Variants in CCDC73 observed in about 807,000 individuals in gnomAD.
CCDC73 encodes coiled-coil domain containing 73, also known as coiled-coil domain-containing protein 73.
In CCDC73, 95 loss-of-function variants were observed where a neutral mutation model predicts 116.5. The ratio of observed to expected loss-of-function variants is 0.82; its 90% confidence interval spans 0.69 to 0.97. The LOEUF (loss-of-function observed/expected upper bound fraction) is 0.97. Among genes scored for constraint, CCDC73 ranks in the 50% least tolerant of loss-of-function variants. The pLI, the probability that CCDC73 is intolerant of heterozygous loss-of-function variation, is 0.00. For synonymous variants in CCDC73, 398 were observed against 401.3 expected, an observed-to-expected ratio of 0.99 and a Z score of 0.10; for missense variants, 1,066 against 1,206.8, an observed-to-expected ratio of 0.88 and a Z score of 1.73.
At chr11:32,623,892 CAT>C (rs1000378556) in intron 14 of CCDC73, among the ~76,000 whole-genome samples, 6 of 151,972 alleles carry the variant, frequency 3.9e-5, no homozygotes, top group African/African-American at 1.5e-4. Flanking sequence ...AACTGATAAA[CAT>C]ATAAAATATG....
intron 2 of CCDC73, among the ~76,000 whole-genome samples, chr11:32,741,772 G>A (rs761591690): frequency 4.2e-4 from 64 of 151,864 alleles, no homozygotes; most frequent in Non-Finnish European, 8.1e-4. Flanking sequence ...AACCTGTCAT[G>A]TACATTAGGT....
chr11:32,775,600 A>C (rs1207981635), intron 1 of CCDC73, among the ~76,000 whole-genome samples: 1 of 152,164 alleles, frequency 6.6e-6, no homozygotes, highest in Non-Finnish European at 1.5e-5. Flanking sequence ...CAGATATAGC[A>C]TAATACATGA....
chr11:32,627,822 G>T lies in CCDC73; in HGVS notation c.1185+7874C>A, dbSNP rs552477893. Among the ~76,000 whole-genome samples, 30 of 152,258 alleles carry T rather than the reference G, an allele frequency of 2.0e-4. No individual in the cohort carries two copies. The South Asian group carries it at 5.6e-3, about 28-fold the overall frequency. ...TCATCACACACCGGGGCCTGTTGTG[G>T]GGTGAGGGGAGCGGGGAGGGATAGC... On this transcript the variant is annotated intron_variant, in intron 14 of 17. Transcript: ENST00000335185.
chr11:32,697,636 A>T (rs1849765874), intron 6 of CCDC73, among the ~76,000 whole-genome samples: 2 of 151,856 alleles, frequency 1.3e-5, no homozygotes, highest in Non-Finnish European at 2.9e-5. Flanking sequence ...GGCGCCTGCC[A>T]CCATGCGTGG....
the CCDC73 span, among the ~76,000 whole-genome samples, chr11:32,805,389 T>C: frequency 6.6e-6 from 1 of 152,182 alleles, no homozygotes; most frequent in South Asian, 2.1e-4. Flanking sequence ...ATTTCAATCA[T>C]AGTAAATCCC....
chr11:32,727,589 T>G (rs539576764), intron 2 of CCDC73, among the ~76,000 whole-genome samples: 5 of 152,354 alleles, frequency 3.3e-5, no homozygotes, highest in African/African-American at 1.2e-4. Flanking sequence ...TTTCTTTTTT[T>G]TGAGACGTTG....
At chr11:32,720,931 G>C (rs1849984383) in intron 2 of CCDC73, among the ~76,000 whole-genome samples, 1 of 152,140 alleles carries the variant, frequency 6.6e-6, no homozygotes. Context: ...TGAATGTACA[G>C]CTAAGACGTG....
chr11:32,681,695 T>C (rs1347977515), intron 7 of CCDC73: 1 of 151,970 alleles, frequency 6.6e-6, no homozygotes, highest in Admixed American at 6.6e-5. Flanking sequence ...GTTTCCTGTC[T>C]TGCCCATAGA....
Position 32,697,481 on chromosome 11 carries a change from C to CTTT in CCDC73, c.390+1767_390+1769dup, listed in dbSNP as rs771837421. Among the ~76,000 whole-genome samples, 197 of 108,764 alleles carry CTTT rather than the reference C, an allele frequency of 1.8e-3. 7 individuals are homozygous for CTTT. Among genetic ancestry groups the CTTT allele is most frequent in the Middle Eastern group, 0.014 (2 of 148 alleles). The allele number at this position is 108,764 out of a possible 152,430, so 71.4% of individuals were successfully genotyped here. ...CACTTGGTTGTTATATCTCTTTATT[C>CTTT]TTTTTTTTTTTTTTTTTTTTGAGAT... On this transcript the variant is annotated intron_variant, in intron 6 of 17. Coordinates refer to ENST00000335185, the MANE Select transcript of CCDC73 (RefSeq NM_001008391.4).
chr11:32,757,987 G>T (rs1380308101), intron 2 of CCDC73, among the ~76,000 whole-genome samples: 1 of 152,160 alleles, frequency 6.6e-6, no homozygotes. Context: ...GGGTATATGG[G>T]TGTTCACTGT....
intron 9 of CCDC73, among the ~76,000 whole-genome samples, chr11:32,668,066 C>T (rs925332489): frequency 1.8e-4 from 28 of 152,152 alleles, no homozygotes; most frequent in African/African-American, 6.5e-4. Flanking sequence ...ATAAAAAGTC[C>T]CTGGCATGTA....
intron 1 of CCDC73, among the ~76,000 whole-genome samples, chr11:32,773,066 A>G (rs988584468): frequency 2.0e-5 from 3 of 152,232 alleles, no homozygotes; most frequent in Admixed American, 2.0e-4. Context: ...TAGCATATCT[A>G]TAAAATAGAA....
intron 1 of CCDC73, among the ~76,000 whole-genome samples, chr11:32,768,644 G>A (rs756372713): frequency 5.3e-5 from 8 of 152,120 alleles, no homozygotes; most frequent in Admixed American, 6.6e-5. Context: ...GATTGATAAT[G>A]CCCATAAGAA....
the CCDC73 span, among the ~76,000 whole-genome samples, chr11:32,811,882 G>A: frequency 9.2e-3 from 1,397 of 152,058 alleles, 12 homozygotes; most frequent in Middle Eastern, 0.028. Flanking sequence ...GGCAACACAT[G>A]TAAACCATAT....
At chr11:32,826,821 A>T in the CCDC73 span, among the ~76,000 whole-genome samples, 1 of 152,144 alleles carries the variant, frequency 6.6e-6, no homozygotes, top group African/African-American at 2.4e-5. Flanking sequence ...GAGAACACTT[A>T]AAATGCTTTG....
chr11:32,803,416 A>G, the CCDC73 span, among the ~76,000 whole-genome samples: 1 of 152,194 alleles, frequency 6.6e-6, no homozygotes. Context: ...TTTTGATACT[A>G]GTTTGTCTTC....
At chr11:32,714,652 C>G (rs1040657215) in intron 3 of CCDC73, among the ~76,000 whole-genome samples, 1 of 152,002 alleles carries the variant, frequency 6.6e-6, no homozygotes, top group Admixed American at 6.6e-5. Flanking sequence ...GCCATTCCAT[C>G]AAGAAATTTA....
intron 1 of CCDC73, among the ~76,000 whole-genome samples, chr11:32,761,309 T>C (rs7942369): frequency 0.27 from 41,206 of 152,008 alleles, 5,900 homozygotes; most frequent in South Asian, 0.35. Flanking sequence ...ATGGTATGAA[T>C]GTATTATTTA....
intron 1 of CCDC73, among the ~76,000 whole-genome samples, chr11:32,770,539 GA>G (rs1383758883): frequency 1.3e-5 from 2 of 152,216 alleles, no homozygotes; most frequent in Non-Finnish European, 1.5e-5. Flanking sequence ...AGGATGCTAT[GA>G]AAAAAATTCC....
Sources: allele counts gnomAD v4.1 joint callset (sites outside exome capture counted in the v4.1 genomes callset), GRCh38; gene constraint gnomAD v4.1.1; transcripts MANE v1.5; gene names NCBI Gene and HGNC (gene_info 2026-07-23, HGNC 2026-07-21).